Variants in SUMF1 observed in about 807,000 individuals in gnomAD.
SUMF1 encodes sulfatase modifying factor 1.
A neutral mutation model predicts 47.6 loss-of-function variants in SUMF1; 48 were observed. That is an observed-to-expected ratio of 1.01 (90% CI 0.80 to 1.28). The LOEUF (loss-of-function observed/expected upper bound fraction) is 1.28, where lower values mean the gene tolerates loss of function less well. SUMF1 is among the 50% of genes most tolerant of loss of function. The pLI is 0.00. For synonymous variants in SUMF1, 230 were observed against 192.1 expected (o/e 1.20, Z -1.63); for missense variants, 571 against 485.4 (o/e 1.18, Z -1.66).
chr3:4,399,078 G>A (rs147634758), intron 7 of SUMF1, among the ~76,000 whole-genome samples: 1 of 152,240 alleles, frequency 6.6e-6, no homozygotes, highest in African/African-American at 2.4e-5. Flanking sequence ...GGAATATTTT[G>A]AGGATATGAG....
chr3:4,349,946 GT>G (rs78558015), intron 8 of SUMF1, among the ~76,000 whole-genome samples: 28,638 of 143,726 alleles, frequency 0.2, 3,022 homozygotes, highest in African/African-American at 0.29. Flanking sequence ...CATGCATCCG[GT>G]TTTTTTTTTT....
chr3:4,325,365 G>C (rs1020260974), intron 8 of SUMF1, among the ~76,000 whole-genome samples: 8 of 151,796 alleles, frequency 5.3e-5, no homozygotes, highest in African/African-American at 1.9e-4. Flanking sequence ...GAAAGATAGG[G>C]GGAGAAAGGA....
intron 8 of SUMF1, among the ~76,000 whole-genome samples, chr3:4,277,795 G>A (rs6802506): frequency 1.3e-5 from 2 of 151,754 alleles, no homozygotes; most frequent in African/African-American, 4.8e-5. Flanking sequence ...GGCCAATAAC[G>A]AGGTCACCAC....
chr3:4,368,818 G>A (rs947933047), intron 8 of SUMF1, among the ~76,000 whole-genome samples: 38 of 152,190 alleles, frequency 2.5e-4, no homozygotes, highest in Admixed American at 2.1e-3. Flanking sequence ...AAATAACCAC[G>A]CTTGAAACTC....
chr3:4,252,389 T>C (rs545374825), intron 8 of SUMF1, among the ~76,000 whole-genome samples: 1 of 151,712 alleles, frequency 6.6e-6, no homozygotes, highest in East Asian at 1.9e-4. Flanking sequence ...CCCCACTGGC[T>C]GTTTAAAACA....
chr3:4,428,540 G>C (rs1702137424), intron 3 of SUMF1, among the ~76,000 whole-genome samples: 2 of 152,078 alleles, frequency 1.3e-5, no homozygotes, highest in African/African-American at 4.8e-5. Flanking sequence ...TTTTTGTACA[G>C]ATGGAGTCTC....
chr3:4,414,025 G>A lies in SUMF1; in HGVS notation c.841-3047C>T, dbSNP rs147738242. On this transcript the variant is annotated intron_variant, in intron 6 of 8. Coordinates refer to ENST00000272902, the MANE Select transcript of SUMF1 (RefSeq NM_182760.4). ...ATTACAGGTGCATGCTGCCACGCCC[G>A]GCTAATTTTTCTGTATTTTAGTAGA... 9.2e-5 allele frequency among the ~76,000 whole-genome samples: 14 copies of A among 151,972 alleles called. No individual in the cohort carries two copies. The East Asian group carries it at 1.6e-3, about 17-fold the overall frequency.
intron 8 of SUMF1, among the ~76,000 whole-genome samples, chr3:4,251,500 G>C (rs1433339253): frequency 6.6e-6 from 1 of 152,178 alleles, no homozygotes; most frequent in Admixed American, 6.6e-5. Flanking sequence ...AAGAAGTTCT[G>C]TGTGTAAAAT....
intron 8 of SUMF1, among the ~76,000 whole-genome samples, chr3:4,259,269 TAAATAA>T (rs1697033126): frequency 6.6e-6 from 1 of 152,048 alleles, no homozygotes; most frequent in African/African-American, 2.4e-5. Context: ...ATAATAAAAA[TAAATAA>T]ATAAATAAAT....
At chr3:4,035,677 C>G (rs1313267911) in intron 9 of SUMF1, among the ~76,000 whole-genome samples, 1 of 152,158 alleles carries the variant, frequency 6.6e-6, no homozygotes, top group Non-Finnish European at 1.5e-5. Context: ...GAAGACAGAC[C>G]TACCCTGGTT....
chr3:4,104,942 A>G (rs1693124269), intron 8 of SUMF1, among the ~76,000 whole-genome samples: 1 of 152,142 alleles, frequency 6.6e-6, no homozygotes, highest in South Asian at 2.1e-4. Flanking sequence ...TCATTTCAGC[A>G]TTACTCACAA....
At chr3:4,137,363 A>G (rs1242111305) in intron 8 of SUMF1, among the ~76,000 whole-genome samples, 3 of 151,570 alleles carry the variant, frequency 2.0e-5, no homozygotes, top group Non-Finnish European at 4.4e-5. Context: ...TCAGCAAACT[A>G]TTGCAAGAAC....
At chr3:4,465,473 G>A (rs2079918948) in intron 1 of SUMF1, among the ~76,000 whole-genome samples, 3 of 148,486 alleles carry the variant, frequency 2.0e-5, no homozygotes, top group Admixed American at 6.7e-5. Flanking sequence ...GCGAGACTCC[G>A]TCTAAAAAAA....
intron 8 of SUMF1, among the ~76,000 whole-genome samples, chr3:4,286,766 T>C (rs145923278): frequency 6.6e-6 from 1 of 152,294 alleles, no homozygotes; most frequent in African/African-American, 2.4e-5. Context: ...AACACCATCG[T>C]AGCACAGAAC....
At chr3:4,207,997 C>G (rs1695691027) in intron 8 of SUMF1, among the ~76,000 whole-genome samples, 2 of 152,240 alleles carry the variant, frequency 1.3e-5, no homozygotes, top group African/African-American at 4.8e-5. Context: ...CTACAAAACT[C>G]TCATGGTGAA....
intron 8 of SUMF1, among the ~76,000 whole-genome samples, chr3:4,143,884 T>G (rs554955502): frequency 1.3e-5 from 2 of 152,070 alleles, no homozygotes; most frequent in East Asian, 3.9e-4. Context: ...TGAATCTTAA[T>G]ATACATTCTA....
At chr3:4,457,166 T>C (rs534858843) in intron 1 of SUMF1, among the ~76,000 whole-genome samples, 31 of 151,620 alleles carry the variant, frequency 2.0e-4, no homozygotes, top group Admixed American at 1.8e-3. Context: ...GGTCTCAATC[T>C]CCTGACCTCA....
intron 8 of SUMF1, among the ~76,000 whole-genome samples, chr3:4,206,994 T>A (rs1695668043): frequency 6.6e-6 from 1 of 152,164 alleles, no homozygotes; most frequent in African/African-American, 2.4e-5. Flanking sequence ...ACATAGTATA[T>A]CTTTCCACCT....
At chr3:4,424,405 A>G (rs1702000674) in intron 3 of SUMF1, among the ~76,000 whole-genome samples, 2 of 152,214 alleles carry the variant, frequency 1.3e-5, no homozygotes, top group South Asian at 4.1e-4. Context: ...ACCAATCTCA[A>G]TGAGGTGCAC....
Sources: gnomAD v4.1 joint callset for allele counts (sites outside exome capture counted in the v4.1 genomes callset) on GRCh38, gnomAD v4.1.1 for gene constraint, MANE v1.5 for transcripts, NCBI Gene and HGNC (gene_info 2026-07-23, HGNC 2026-07-21) for gene names.